Variants in SCN8A observed in about 807,000 individuals in gnomAD.
The protein encoded by SCN8A is sodium voltage-gated channel alpha subunit 8, also known as sodium channel protein type 8 subunit alpha.
SCN8A carries 30 observed loss-of-function variants against 184.1 expected under a neutral mutation model. The observed-to-expected ratio is 0.16, with a 90% CI of 0.12 to 0.22. SCN8A has a LOEUF of 0.22. Among genes scored for constraint, SCN8A ranks in the 10% least tolerant of loss-of-function variants. SCN8A has a pLI of 1.00. For missense variants in SCN8A, 1,057 were observed against 2,498.9 expected, an observed-to-expected ratio of 0.42 and a Z score of 12.30; for synonymous variants, 852 against 907.0, an observed-to-expected ratio of 0.94 and a Z score of 1.09.
chr12:51,679,995 C>T (rs903721731), intron 2 of SCN8A, among the ~76,000 whole-genome samples: 1 of 151,864 alleles, frequency 6.6e-6, no homozygotes, highest in African/African-American at 2.4e-5. Flanking sequence ...AAGTGCTGGA[C>T]TTATAGGTGG....
intron 21 of SCN8A, among the ~76,000 whole-genome samples, chr12:51,782,916 A>T (rs1381339527): frequency 6.6e-6 from 1 of 152,224 alleles, no homozygotes; most frequent in East Asian, 1.9e-4. Flanking sequence ...AATAATCAAA[A>T]CAGTAGATAA....
At position 51,684,237 on chromosome 12, in the gene SCN8A, A is replaced by G. The variant is rs527246057; in HGVS notation, c.340A>G (p.Ile114Val). 65 of 1,609,630 alleles carry G rather than the reference A, an allele frequency of 4.0e-5. No homozygotes were observed. Among genetic ancestry groups the G allele is most frequent in the Non-Finnish European group, 5.5e-5 (65 of 1,176,054 alleles). ...FRFSATPALY[I>V]LSPFNLIRRI... ...ATTTAGTGCCACGCCTGCCTTGTAC[A>G]TTTTAAGTCCTTTTAACCTGATAAG... The change falls in exon 3 of 27, where the codon ATT (isoleucine) becomes GTT (valine). Residue 114 changes from isoleucine (I) to valine (V), a missense_variant. Physicochemically the swap from Ile to Val is conservative, Grantham distance 29. Coordinates refer to ENST00000627620, the MANE Select transcript of SCN8A (RefSeq NM_001330260.2).
At chr12:51,715,563 C>A (rs566081244) in intron 11 of SCN8A, among the ~76,000 whole-genome samples, 6 of 143,286 alleles carry the variant, frequency 4.2e-5, no homozygotes, top group Non-Finnish European at 8.9e-5. Context: ...GAGGCTGAGG[C>A]AGGAGAATAG....
chr12:51,700,239 C>T (rs1277886264), intron 7 of SCN8A, among the ~76,000 whole-genome samples: 1 of 152,098 alleles, frequency 6.6e-6, no homozygotes, highest in South Asian at 2.1e-4. Context: ...CTAGAACTAG[C>T]CTTGTAAAAT....
intron 2 of SCN8A, among the ~76,000 whole-genome samples, chr12:51,668,183 CA>C (rs10535000): frequency 0.032 from 4,488 of 140,242 alleles, 94 homozygotes; most frequent in Non-Finnish European, 0.04. Flanking sequence ...AACTCCATCT[CA>C]AAAAAAAAAA....
At chr12:51,673,988 G>A (rs1275168862) in intron 2 of SCN8A, among the ~76,000 whole-genome samples, 2 of 152,292 alleles carry the variant, frequency 1.3e-5, no homozygotes, top group East Asian at 3.9e-4. Flanking sequence ...GAAGAGATGA[G>A]AGAGTAGTTC....
At chr12:51,702,690 A>C (rs1941711390) in intron 8 of SCN8A, 83 bp from the exon 9 acceptor site, 4 of 1,067,948 alleles carry the variant, frequency 3.7e-6, no homozygotes, top group Non-Finnish European at 5.0e-6. Flanking sequence ...TGGAGTAAAT[A>C]GAATTATGTT....
rs147335216 is a variant in SCN8A at position 51,671,845 on chromosome 12, C to T, written c.276+8752C>T. ...ACAATTTCTGCTAACTCTGATTTTA[C>T]CAGAAGAATTTTTGATACAAGCTCT... On this transcript the variant is annotated intron_variant, in intron 2 of 26. Coordinates refer to ENST00000627620, the MANE Select transcript of SCN8A (RefSeq NM_001330260.2). Among the ~76,000 whole-genome samples, 7 of 152,252 alleles carry T rather than the reference C, an allele frequency of 4.6e-5. No homozygotes were observed. In the East Asian group the frequency reaches 1.4e-3, roughly 29 times the overall value.
intron 14 of SCN8A, among the ~76,000 whole-genome samples, chr12:51,757,537 G>C (rs943585854): frequency 1.3e-5 from 2 of 152,154 alleles, no homozygotes; most frequent in Non-Finnish European, 2.9e-5. Context: ...AGACCCCATA[G>C]TGACGCCAAA....
intron 4 of SCN8A, 103 bp from the exon 5 acceptor site, chr12:51,686,988 T>G: frequency 8.3e-7 from 1 of 1,207,330 alleles, no homozygotes; most frequent in Non-Finnish European, 1.2e-6. Context: ...CTTTCTGTTT[T>G]GTCTCTCTTA....
chr12:51,644,572 T>A (rs1204885666), intron 1 of SCN8A, among the ~76,000 whole-genome samples: 1 of 152,204 alleles, frequency 6.6e-6, no homozygotes, highest in Non-Finnish European at 1.5e-5. Flanking sequence ...AGTGGCGTGA[T>A]CTCGGCTCGC....
chr12:51,624,763 T>G lies in SCN8A; in HGVS notation c.-55+33404T>G, dbSNP rs187699622. Among the ~76,000 whole-genome samples, 161 of 152,336 alleles carry G rather than the reference T, an allele frequency of 1.1e-3. 1 individual carries two copies. The highest frequency in any genetic ancestry group is 3.7e-3 in the African/African-American group (155 of 41,576). ...GGTTTTAGGTCTAACGTTTAAGTCT[T>G]TAATCCATCTTGAATTAATTTTTGT... On this transcript the variant is annotated intron_variant, in intron 1 of 26. Transcript: ENST00000627620.
intron 1 of SCN8A, among the ~76,000 whole-genome samples, chr12:51,597,982 A>T (rs1939385205): frequency 6.6e-6 from 1 of 152,184 alleles, no homozygotes; most frequent in South Asian, 2.1e-4. Flanking sequence ...GCAGGTTGCA[A>T]ATGAGACTGA....
chr12:51,793,441 CAAG>C (rs1042879499), intron 25 of SCN8A, among the ~76,000 whole-genome samples: 20 of 152,112 alleles, frequency 1.3e-4, no homozygotes, highest in African/African-American at 3.9e-4. Context: ...TATGAGTCAT[CAAG>C]AAGAAGTGGC....
intron 9 of SCN8A, among the ~76,000 whole-genome samples, chr12:51,703,663 A>C (rs1445042702): frequency 1.3e-5 from 2 of 152,226 alleles, no homozygotes; most frequent in Non-Finnish European, 2.9e-5. Context: ...AAGTTAGTGT[A>C]AGTGATTGCT....
intron 1 of SCN8A, among the ~76,000 whole-genome samples, chr12:51,598,195 T>C (rs899073523): frequency 2.6e-5 from 4 of 152,062 alleles, no homozygotes; most frequent in Non-Finnish European, 4.4e-5. Context: ...CGAATCATCA[T>C]AGGGAGAAAG....
intron 1 of SCN8A, among the ~76,000 whole-genome samples, chr12:51,607,603 C>G (rs1372039819): frequency 6.6e-6 from 1 of 152,068 alleles, no homozygotes; most frequent in East Asian, 1.9e-4. Flanking sequence ...AGGTCTGTCC[C>G]TTGTATGCCG....
At chr12:51,793,910 C>T (rs1036396765) in intron 25 of SCN8A, among the ~76,000 whole-genome samples, 3 of 151,266 alleles carry the variant, frequency 2.0e-5, no homozygotes, top group African/African-American at 7.3e-5. Context: ...TTTGGGAGGC[C>T]AAGGAAGACA....
intron 2 of SCN8A, among the ~76,000 whole-genome samples, chr12:51,681,017 A>G (rs1328750417): frequency 1.3e-5 from 2 of 152,086 alleles, no homozygotes; most frequent in Non-Finnish European, 2.9e-5. Flanking sequence ...AATAATAATA[A>G]TAATAATAAA....
Sources: allele counts gnomAD v4.1 joint callset (sites outside exome capture counted in the v4.1 genomes callset), GRCh38; gene constraint gnomAD v4.1.1; transcripts MANE v1.5; gene names NCBI Gene and HGNC (gene_info 2026-07-23, HGNC 2026-07-21).